The following CTNND2 variants were observed in gnomAD, a reference collection of about 807,000 sequenced individuals.
CTNND2 encodes catenin delta-2.
Under a neutral mutation model 144.4 loss-of-function variants are expected in CTNND2, and 22 were observed. The ratio of observed to expected loss-of-function variants is 0.15; its 90% CI spans 0.11 to 0.22. The LOEUF is 0.22. Ranked by LOEUF, CTNND2 falls within the 10% of genes least tolerant of loss-of-function variation. The pLI is 1.00. For synonymous variants in CTNND2, 751 were observed against 695.6 expected (o/e 1.08, Z -1.25); for missense variants, 1,353 against 1,618.8 (o/e 0.84, Z 2.82).
At chr5:11,769,529 C>T (rs1287733859) in intron 1 of CTNND2, among the ~76,000 whole-genome samples, 2 of 152,094 alleles carry the variant, frequency 1.3e-5, no homozygotes, top group East Asian at 3.9e-4. Flanking sequence ...TAACATTCTT[C>T]TAGAGCTTAA....
chr5:11,247,545 G>T (rs1164774911), intron 9 of CTNND2, among the ~76,000 whole-genome samples: 1 of 152,198 alleles, frequency 6.6e-6, no homozygotes, highest in Non-Finnish European at 1.5e-5. Context: ...AGAGAAAACA[G>T]TAAAATGATG....
chr5:11,110,498 T>C (rs947308341), intron 14 of CTNND2, among the ~76,000 whole-genome samples: 2 of 152,202 alleles, frequency 1.3e-5, no homozygotes, highest in Non-Finnish European at 2.9e-5. Context: ...CCACATCTCC[T>C]GTTCCACCCA....
At chr5:11,811,711 C>T (rs1383635476) in intron 1 of CTNND2, among the ~76,000 whole-genome samples, 1 of 151,862 alleles carries the variant, frequency 6.6e-6, no homozygotes, top group African/African-American at 2.4e-5. Flanking sequence ...ACATGAAGTC[C>T]CCATTTCCAT....
chr5:11,272,086 A>G (rs955946936), intron 9 of CTNND2, among the ~76,000 whole-genome samples: 1 of 152,226 alleles, frequency 6.6e-6, no homozygotes, highest in African/African-American at 2.4e-5. Context: ...CTAAAAAAAT[A>G]CAGTCCATTA....
At chr5:11,011,316 C>T (rs181416907) in intron 18 of CTNND2, among the ~76,000 whole-genome samples, 4 of 152,264 alleles carry the variant, frequency 2.6e-5, no homozygotes, top group Admixed American at 6.5e-5. Flanking sequence ...TGGGTTCAAG[C>T]GATTCTCCCA....
intron 12 of CTNND2, among the ~76,000 whole-genome samples, chr5:11,122,400 G>T (rs1342590826): frequency 6.6e-6 from 1 of 152,022 alleles, no homozygotes; most frequent in Non-Finnish European, 1.5e-5. Context: ...ACAACCTCAG[G>T]CTTGGAGGAA....
At chr5:11,865,769 G>A (rs1377229337) in intron 1 of CTNND2, among the ~76,000 whole-genome samples, 1 of 152,020 alleles carries the variant, frequency 6.6e-6, no homozygotes, top group Non-Finnish European at 1.5e-5. Flanking sequence ...GTCTTGAGAA[G>A]TGGACAAAGG....
intron 11 of CTNND2, among the ~76,000 whole-genome samples, chr5:11,184,812 C>T (rs1172188517): frequency 6.6e-6 from 1 of 152,198 alleles, no homozygotes; most frequent in Non-Finnish European, 1.5e-5. Context: ...CTCATTATTC[C>T]TTCCACCCAA....
chr5:11,400,356 A>G (rs7725841), intron 5 of CTNND2, among the ~76,000 whole-genome samples: 5,389 of 152,280 alleles, frequency 0.035, 314 homozygotes, highest in African/African-American at 0.12. Context: ...ACAGCGGATC[A>G]TCATGTCCTT....
At chr5:11,564,738 G>A (rs1391267538) in intron 3 of CTNND2, among the ~76,000 whole-genome samples, 2 of 152,202 alleles carry the variant, frequency 1.3e-5, no homozygotes, top group Non-Finnish European at 2.9e-5. Flanking sequence ...TTCAGGGCAG[G>A]CATTAATTTT....
At chr5:11,783,467 T>A (rs756452268) in intron 1 of CTNND2, among the ~76,000 whole-genome samples, 1 of 152,142 alleles carries the variant, frequency 6.6e-6, no homozygotes, top group Non-Finnish European at 1.5e-5. Flanking sequence ...TGGGTTGGTC[T>A]AGCCATGTAT....
Position 11,294,544 on chromosome 5 carries a change from G to A in CTNND2, c.1628+51828C>T, listed in dbSNP as rs190734464. On this transcript the variant is annotated intron_variant, in intron 9 of 21. Coordinates refer to ENST00000304623, the MANE Select transcript of CTNND2 (RefSeq NM_001332.4). ...AGCTTTCATGCAAATATAGAATGTT[G>A]GAAAACTTACATCCAACACTTTAAG... is the stretch of plus-strand genomic sequence containing the variant. Among the ~76,000 whole-genome samples, 53 of 152,152 alleles carry A rather than the reference G, an allele frequency of 3.5e-4. 1 individual carries two copies. Among genetic ancestry groups the A allele is most frequent in the African/African-American group, 1.2e-3 (50 of 41,506 alleles).
chr5:11,714,067 A>G (rs1307306282), intron 2 of CTNND2, among the ~76,000 whole-genome samples: 1 of 152,192 alleles, frequency 6.6e-6, no homozygotes, highest in Non-Finnish European at 1.5e-5. Flanking sequence ...CGGGGAGTAT[A>G]TGTTTGCTGT....
Position 11,346,557 on chromosome 5 carries a change from G to A in CTNND2, c.1443C>T (p.Ala481=), listed in dbSNP as rs140702980. ...TGGCCCTCTGGAAGGTGGCCGCGGC[G>A]GCATTCTGTGGGCCGTGCTGGCTGC... ...RTGSQHGPQN[A]AAATFQRASY... is the part of the protein sequence containing the mutation. Residue 481 remains alanine (A), a synonymous_variant, in exon 9 of 22, where the codon GCC becomes GCT. Coordinates refer to ENST00000304623, the MANE Select transcript of CTNND2 (RefSeq NM_001332.4). The A allele has an allele frequency of 2.7e-5, 43 of 1,603,294 alleles. No homozygotes were observed. Among genetic ancestry groups the A allele is most frequent in the Middle Eastern group, 1.7e-4 (1 of 6,060 alleles).
At chr5:10,979,054 G>C (rs1207420438) in intron 21 of CTNND2, among the ~76,000 whole-genome samples, 2 of 152,162 alleles carry the variant, frequency 1.3e-5, no homozygotes, top group Admixed American at 6.5e-5. Context: ...TGGTGCAGAG[G>C]GAGCTGGTTC....
At chr5:11,509,532 A>T (rs1771431411) in intron 3 of CTNND2, among the ~76,000 whole-genome samples, 1 of 152,240 alleles carries the variant, frequency 6.6e-6, no homozygotes, top group Non-Finnish European at 1.5e-5. Flanking sequence ...GGATCACATA[A>T]GAGAAGCTTG....
At chr5:11,435,196 T>C (rs917220871) in intron 3 of CTNND2, among the ~76,000 whole-genome samples, 10 of 152,000 alleles carry the variant, frequency 6.6e-5, no homozygotes, top group African/African-American at 2.4e-4. Flanking sequence ...TGGAGTACAG[T>C]GGCGCGATCA....
In CTNND2 at chr5:11,286,934, A is replaced by G. The variant is rs138589032; in HGVS notation, c.1629-50111T>C. On this transcript the variant is annotated intron_variant, in intron 9 of 21. Transcript: ENST00000304623. ...ATGGAAACCATGTAAGCATCCATCA[A>G]TCAGAGAACAGATGAATGCACTGTA... Among the ~76,000 whole-genome samples, 38 of 152,326 alleles carry G rather than the reference A, an allele frequency of 2.5e-4. No homozygotes were observed. The East Asian group carries it at 4.4e-3, about 18-fold the overall frequency.
chr5:11,410,689 G>A (rs1471759425), intron 5 of CTNND2, among the ~76,000 whole-genome samples: 2 of 152,022 alleles, frequency 1.3e-5, no homozygotes, highest in Non-Finnish European at 2.9e-5. Context: ...ATGTTCTATG[G>A]AATTAATATA....
Sources: gnomAD v4.1 joint callset for allele counts (sites outside exome capture counted in the v4.1 genomes callset) on GRCh38, gnomAD v4.1.1 for gene constraint, MANE v1.5 for transcripts, NCBI Gene and HGNC (gene_info 2026-07-23, HGNC 2026-07-21) for gene names.